The following B4GALT1 variants were observed in gnomAD, a reference collection of about 807,000 sequenced individuals.
B4GALT1 encodes beta-1,4-galactosyltransferase 1.
A neutral mutation model predicts 34.9 loss-of-function variants in B4GALT1; 16 were observed. That is an observed-to-expected ratio of 0.46 (90% CI 0.31 to 0.70). B4GALT1 has a LOEUF of 0.70. Ranked by LOEUF, B4GALT1 falls within the 30% of genes least tolerant of loss-of-function variation. The pLI, the probability that B4GALT1 is intolerant of heterozygous loss-of-function variation, is 0.05. For missense variants in B4GALT1, 445 were observed against 530.5 expected (o/e 0.84, Z 1.58); for synonymous variants, 221 against 218.1 (o/e 1.01, Z -0.12).
At chr9:33,158,177 G>C (rs949949873) in intron 1 of B4GALT1, among the ~76,000 whole-genome samples, 3 of 152,128 alleles carry the variant, frequency 2.0e-5, no homozygotes, top group African/African-American at 7.2e-5. Context: ...AGAGGCTAAA[G>C]ACCAGCAGGC....
In B4GALT1 at chr9:33,112,681, C is replaced by A. The variant is rs1241157580; in HGVS notation, c.*773G>T. 6.5e-6 allele frequency: 1 copy of A among 152,684 alleles called. No homozygotes were observed. The highest frequency in any genetic ancestry group is 1.9e-4 in the East Asian group (1 of 5,192). The allele number at this position is 152,684 out of a possible 1,614,324, so 9.5% of individuals were successfully genotyped here. On this transcript the variant is annotated 3_prime_UTR_variant, in exon 6 of 6. Coordinates refer to ENST00000379731, the MANE Select transcript of B4GALT1 (RefSeq NM_001497.4). ...ACAGCTATGCAAATTTGGATCAACA[C>A]AAAATCAAGCTAGATCATAATTAGA... is the stretch of plus-strand genomic sequence containing the variant.
rs577170197 is a variant in B4GALT1 at position 33,116,521 on chromosome 9, C to CTTTTTT, written c.837-414_837-409dup. ...ACAGTTGTAAGACACCAAACCGGATCTTTTTTTTTTTTTTTTTTTGAAGGA... is the reference window on the plus strand; with the variant it reads ...ACAGTTGTAAGACACCAAACCGGATCTTTTTTTTTTTTTTTTTTTTTTTTTGAAGGA... On this transcript the variant is annotated intron_variant, in intron 3 of 5. Transcript: ENST00000379731. 2.0e-4 allele frequency among the ~76,000 whole-genome samples: 21 copies of CTTTTTT among 107,262 alleles called. 2 individuals are homozygous for CTTTTTT. Among genetic ancestry groups the CTTTTTT allele is most frequent in the East Asian group, 5.5e-4 (2 of 3,636 alleles). The allele number at this position is 107,262 out of a possible 152,430, so 70.4% of individuals were successfully genotyped here.
At chr9:33,180,639 A>G in the B4GALT1 span, among the ~76,000 whole-genome samples, 1 of 152,302 alleles carries the variant, frequency 6.6e-6, no homozygotes, top group African/African-American at 2.4e-5. Context: ...TGCTGCCTCC[A>G]TGAATAATTT....
At chr9:33,131,176 G>C (rs150346579) in intron 2 of B4GALT1, among the ~76,000 whole-genome samples, 1 of 151,838 alleles carries the variant, frequency 6.6e-6, no homozygotes, top group African/African-American at 2.4e-5. Flanking sequence ...CTGGCCATGA[G>C]GAGTGTCACT....
intron 4 of B4GALT1, 54 bp from the exon 5 acceptor site, chr9:33,113,932 G>A (rs1452836354): frequency 5.9e-6 from 9 of 1,520,784 alleles, no homozygotes; most frequent in Non-Finnish European, 8.2e-6. Flanking sequence ...CACTTGGCCT[G>A]AGAGCCCCGG....
At position 33,113,394 on chromosome 9, in the gene B4GALT1, C is replaced by T; in HGVS notation, c.*60G>A. The T allele has an allele frequency of 6.2e-7, 1 of 1,612,138 alleles. No homozygotes were observed. The highest frequency in any genetic ancestry group is 8.5e-7 in the Non-Finnish European group (1 of 1,178,770). On this transcript the variant is annotated 3_prime_UTR_variant, in exon 6 of 6. Transcript: ENST00000379731. ...GAGAGGGACCAGCCCAGCAGATTGG[C>T]AGAGACACACAGCAGAGGTCCCTGG...
chr9:33,150,932 T>C (rs895489497), intron 1 of B4GALT1, among the ~76,000 whole-genome samples: 2 of 151,766 alleles, frequency 1.3e-5, no homozygotes, highest in Non-Finnish European at 2.9e-5. Context: ...ACCCCAATGA[T>C]GATTATTGGC....
Position 33,104,782 on chromosome 9 carries a change from C to A in B4GALT1, c.649-1G>T, listed in dbSNP as rs1461639740. On this transcript the variant is annotated splice_acceptor_variant, in intron 2 of 2. Coordinates refer to the B4GALT1 transcript ENST00000535206. LOFTEE classifies it high-confidence loss of function. The stretch of plus-strand genomic sequence containing the variant: ...ACAGGAGTCTTCTTATTTTTTCATA[C>A]TGTGGTAAAATACACATAACAGAAA... The A allele has an allele frequency of 2.2e-6, 1 of 455,260 alleles. No individual in the cohort carries two copies. Among genetic ancestry groups the A allele is most frequent in the Non-Finnish European group, 4.4e-6 (1 of 226,648 alleles). 28.2% of individuals were successfully genotyped at this position (455,260 alleles called of 1,614,324 possible).
upstream of B4GALT1, among the ~76,000 whole-genome samples, chr9:33,168,112 C>G (rs1232358471): frequency 6.6e-6 from 1 of 152,210 alleles, no homozygotes; most frequent in Admixed American, 6.5e-5. Context: ...ACAGTCTACA[C>G]TGGGCTACCC....
At position 33,143,045 on chromosome 9, in the gene B4GALT1, T is replaced by C. The variant is rs144592178; in HGVS notation, c.413-7621A>G. On this transcript the variant is annotated intron_variant, in intron 1 of 5. Coordinates refer to ENST00000379731, the MANE Select transcript of B4GALT1 (RefSeq NM_001497.4). Reference sequence around the variant, plus strand: ...CTGTGATCCCAGCTACCTGGGAGGCTGAGGCAGGAGAATCGCTGGAACCTG... The same window carrying C: ...CTGTGATCCCAGCTACCTGGGAGGCCGAGGCAGGAGAATCGCTGGAACCTG... Among the ~76,000 whole-genome samples, 1,407 of 152,270 alleles carry C rather than the reference T, an allele frequency of 9.2e-3. 14 individuals carry two copies. The highest frequency in any genetic ancestry group is 0.012 in the Non-Finnish European group (842 of 68,016).
chr9:33,114,844 C>T (rs1804150643), intron 4 of B4GALT1, among the ~76,000 whole-genome samples: 1 of 152,126 alleles, frequency 6.6e-6, no homozygotes, highest in Non-Finnish European at 1.5e-5. Flanking sequence ...AAAGTTGCTC[C>T]ACACACCACC....
the B4GALT1 span, among the ~76,000 whole-genome samples, chr9:33,180,671 G>A: frequency 6.6e-6 from 1 of 152,092 alleles, no homozygotes; most frequent in Non-Finnish European, 1.5e-5. Context: ...CTGCCTCTTA[G>A]CGTCACTCCT....
chr9:33,104,537 T>C (rs1374955003), exon 3 of B4GALT1: 1 of 340,498 alleles, frequency 2.9e-6, no homozygotes, highest in Non-Finnish European at 5.8e-6. Flanking sequence ...GGACAGCATT[T>C]GTCTCGAGAA....
chr9:33,134,953 A>G (rs1840244654), intron 2 of B4GALT1, among the ~76,000 whole-genome samples: 2 of 152,206 alleles, frequency 1.3e-5, no homozygotes, highest in African/African-American at 4.8e-5. Context: ...GAAAACAAAA[A>G]CAGAACAACG....
chr9:33,163,792 CAG>C (rs1840709579), intron 1 of B4GALT1, among the ~76,000 whole-genome samples: 2 of 152,230 alleles, frequency 1.3e-5, no homozygotes, highest in Non-Finnish European at 2.9e-5. Flanking sequence ...GGACCTGAGA[CAG>C]GGTTAGGAAA....
chr9:33,169,917 A>C (rs1220747857), upstream of B4GALT1, among the ~76,000 whole-genome samples: 1 of 151,002 alleles, frequency 6.6e-6, no homozygotes, highest in Non-Finnish European at 1.5e-5. Flanking sequence ...AATCAGCTTC[A>C]TGAGAACAGG....
chr9:33,130,666 T>A (rs1840181677), intron 2 of B4GALT1, among the ~76,000 whole-genome samples: 1 of 151,586 alleles, frequency 6.6e-6, no homozygotes. Flanking sequence ...CTTGTGAAAG[T>A]TCACTCCTGT....
At chr9:33,154,880 T>C (rs376231956) in intron 1 of B4GALT1, among the ~76,000 whole-genome samples, 9 of 152,178 alleles carry the variant, frequency 5.9e-5, no homozygotes, top group Middle Eastern at 3.2e-3. Flanking sequence ...GTGTATTTTA[T>C]ATGCGGTCCA....
At chr9:33,129,041 C>CAGT (rs1442225152) in intron 2 of B4GALT1, among the ~76,000 whole-genome samples, 1 of 152,236 alleles carries the variant, frequency 6.6e-6, no homozygotes, top group African/African-American at 2.4e-5. Flanking sequence ...CAAAGCCAGA[C>CAGT]AGAGTCCTCA....
Sources: allele counts gnomAD v4.1 joint callset (sites outside exome capture counted in the v4.1 genomes callset), GRCh38; gene constraint gnomAD v4.1.1; transcripts MANE v1.5; gene names NCBI Gene and HGNC (gene_info 2026-07-23, HGNC 2026-07-21).